The following CRTC3 variants were observed in gnomAD, a reference collection of about 807,000 sequenced individuals.
CRTC3 encodes CREB regulated transcription coactivator 3.
A neutral mutation model predicts 74.5 loss-of-function variants in CRTC3; 26 were observed. The observed-to-expected ratio is 0.35, with a 90% CI of 0.26 to 0.48. The LOEUF (loss-of-function observed/expected upper bound fraction) is 0.48. Among genes scored for constraint, CRTC3 ranks in the 20% least tolerant of loss-of-function variants. The pLI, the probability that CRTC3 is intolerant of heterozygous loss-of-function variation, is 0.99. For missense variants in CRTC3, 760 were observed against 787.3 expected (o/e 0.97, Z 0.41); for synonymous variants, 377 against 325.8 (o/e 1.16, Z -1.69).
chr15:90,640,723 TC>T (rs1969407931), intron 13 of CRTC3, among the ~76,000 whole-genome samples: 1 of 151,706 alleles, frequency 6.6e-6, no homozygotes, highest in Admixed American at 6.6e-5. Flanking sequence ...AGTCCATACT[TC>T]CTTGGTTATA....
intron 2 of CRTC3, among the ~76,000 whole-genome samples, chr15:90,561,689 G>A (rs955166089): frequency 6.6e-6 from 1 of 152,180 alleles, no homozygotes; most frequent in Admixed American, 6.5e-5. Context: ...AGAGGGAGAA[G>A]AGGCACTACA....
At chr15:90,608,037 C>T (rs369405907) in intron 6 of CRTC3, among the ~76,000 whole-genome samples, 6 of 151,946 alleles carry the variant, frequency 3.9e-5, no homozygotes, top group African/African-American at 1.4e-4. Context: ...AGGGGTCAGG[C>T]AAGCCTCGGG....
At chr15:90,629,160 G>C in intron 10 of CRTC3, 74 bp from the exon 11 acceptor site, 1 of 1,430,780 alleles carries the variant, frequency 7.0e-7, no homozygotes, top group Non-Finnish European at 9.5e-7. Flanking sequence ...ACAGTAGACA[G>C]TTTTCTTTCA....
intron 2 of CRTC3, among the ~76,000 whole-genome samples, chr15:90,569,971 A>G (rs139464290): frequency 6.6e-6 from 1 of 152,360 alleles, no homozygotes; most frequent in Admixed American, 6.5e-5. Context: ...TGATTTCAGT[A>G]AAATATGATC....
intron 2 of CRTC3, among the ~76,000 whole-genome samples, chr15:90,545,403 T>TTC (rs1966842494): frequency 6.7e-6 from 1 of 150,274 alleles, no homozygotes; most frequent in East Asian, 2.0e-4. Context: ...GGTTTTAATT[T>TTC]TTTTTTTTTT....
intron 9 of CRTC3, 113 bp downstream of exon 9, chr15:90,619,903 G>A (rs1486467167): frequency 1.2e-6 from 1 of 821,862 alleles, no homozygotes; most frequent in Non-Finnish European, 2.0e-6. Flanking sequence ...TGCATAAATT[G>A]AAAGTCAACT....
chr15:90,573,763 A>G (rs1457103891), intron 2 of CRTC3, among the ~76,000 whole-genome samples: 1 of 152,206 alleles, frequency 6.6e-6, no homozygotes, highest in Non-Finnish European at 1.5e-5. Flanking sequence ...ATATGAACAT[A>G]CATTCATGTG....
intron 10 of CRTC3, 47 bp downstream of exon 10, chr15:90,626,040 G>A: frequency 3.5e-6 from 5 of 1,448,052 alleles, no homozygotes; most frequent in South Asian, 1.1e-5. Flanking sequence ...AATCATAGGT[G>A]GTCCCCACCC....
At chr15:90,619,247 G>A (rs1017311840) in intron 8 of CRTC3, among the ~76,000 whole-genome samples, 26 of 152,064 alleles carry the variant, frequency 1.7e-4, no homozygotes, top group African/African-American at 6.3e-4. Flanking sequence ...ACCTGAGGTC[G>A]GGAGTTTGAG....
At chr15:90,632,815 G>A (rs549496190) in intron 11 of CRTC3, among the ~76,000 whole-genome samples, 2 of 152,322 alleles carry the variant, frequency 1.3e-5, no homozygotes, top group East Asian at 1.9e-4. Context: ...ATGTTAGCCA[G>A]GCTGGTTTCG....
intron 2 of CRTC3, among the ~76,000 whole-genome samples, chr15:90,575,632 A>T (rs1480305517): frequency 6.6e-6 from 1 of 152,116 alleles, no homozygotes; most frequent in Admixed American, 6.5e-5. Context: ...TCATAGTTTG[A>T]TTGGATTTTG....
chr15:90,583,171 C>G (rs946502568), intron 2 of CRTC3, among the ~76,000 whole-genome samples: 1 of 152,146 alleles, frequency 6.6e-6, no homozygotes, highest in East Asian at 1.9e-4. Flanking sequence ...ATTATTTTGC[C>G]TGGCCCTCTG....
chr15:90,548,978 A>G (rs1966849369), intron 2 of CRTC3, among the ~76,000 whole-genome samples: 2 of 152,244 alleles, frequency 1.3e-5, no homozygotes, highest in South Asian at 4.1e-4. Flanking sequence ...ACCTTTCTAG[A>G]TATTTCTAGA....
At chr15:90,623,206 C>T (rs925454906) in intron 9 of CRTC3, among the ~76,000 whole-genome samples, 4 of 152,158 alleles carry the variant, frequency 2.6e-5, no homozygotes, top group Admixed American at 6.5e-5. Context: ...CAGAATTCTC[C>T]GCCATGCTTT....
At chr15:90,611,019 G>A (rs966936132) in intron 6 of CRTC3, among the ~76,000 whole-genome samples, 4 of 152,194 alleles carry the variant, frequency 2.6e-5, no homozygotes, top group African/African-American at 9.7e-5. Flanking sequence ...GACCTGCAGA[G>A]TTAAGGAGAA....
At chr15:90,573,477 T>A (rs1485112836) in intron 2 of CRTC3, among the ~76,000 whole-genome samples, 1 of 152,210 alleles carries the variant, frequency 6.6e-6, no homozygotes, top group Non-Finnish European at 1.5e-5. Context: ...ATTCACCCGT[T>A]TTTCATCCAT....
chr15:90,632,933 C>T (rs1245686913), intron 11 of CRTC3, among the ~76,000 whole-genome samples: 1 of 152,078 alleles, frequency 6.6e-6, no homozygotes, highest in East Asian at 1.9e-4. Flanking sequence ...TTTTTTTGTT[C>T]TACATTTTTG....
intron 5 of CRTC3, chr15:90,606,908 C>T (rs545141901): frequency 6.6e-6 from 1 of 152,664 alleles, no homozygotes; most frequent in South Asian, 2.1e-4. Context: ...ACAGAGGACA[C>T]TTTACTATCA....
intron 2 of CRTC3, among the ~76,000 whole-genome samples, chr15:90,589,064 A>G (rs1442557162): frequency 6.6e-6 from 1 of 150,930 alleles, no homozygotes; most frequent in South Asian, 2.1e-4. Flanking sequence ...TTTTATTTTT[A>G]TTTTTTTTCT....
Sources: gnomAD v4.1 joint callset for allele counts (sites outside exome capture counted in the v4.1 genomes callset) on GRCh38, gnomAD v4.1.1 for gene constraint, MANE v1.5 for transcripts, NCBI Gene and HGNC (gene_info 2026-07-23, HGNC 2026-07-21) for gene names.